BAZ2B: variants seen among roughly 807,000 people sequenced by gnomAD.
BAZ2B encodes bromodomain adjacent to zinc finger domain protein 2B.
A neutral mutation model predicts 246.0 loss-of-function variants in BAZ2B; 91 were observed. The observed-to-expected ratio is 0.37, with a 90% confidence interval of 0.31 to 0.44. BAZ2B has a LOEUF of 0.44. Among genes scored for constraint, BAZ2B ranks in the 20% least tolerant of loss-of-function variants. The pLI, the probability that BAZ2B is intolerant of heterozygous loss-of-function variation, is 1.00. For synonymous variants in BAZ2B, 855 were observed against 860.0 expected (o/e 0.99, Z 0.10); for missense variants, 2,332 against 2,533.7 (o/e 0.92, Z 1.71).
the BAZ2B span, among the ~76,000 whole-genome samples, chr2:159,643,348 TA>T: frequency 4.6e-5 from 7 of 152,144 alleles, no homozygotes; most frequent in East Asian, 1.9e-4. Flanking sequence ...TAACATGGCA[TA>T]GGGGGAAAGT....
At chr2:159,685,390 T>C in the BAZ2B span, among the ~76,000 whole-genome samples, 1 of 152,180 alleles carries the variant, frequency 6.6e-6, no homozygotes. Context: ...TCTTACAACA[T>C]TCAGCTCTTA....
intron 2 of BAZ2B, among the ~76,000 whole-genome samples, chr2:159,543,579 A>G (rs2151396549): frequency 7.4e-6 from 1 of 135,640 alleles, no homozygotes; most frequent in Admixed American, 8.5e-5. Context: ...CTCTTTTGCC[A>G]GGCTGGAGTG....
chr2:159,487,730 G>C (rs1219773186), intron 2 of BAZ2B, among the ~76,000 whole-genome samples: 1 of 150,440 alleles, frequency 6.6e-6, no homozygotes, highest in Non-Finnish European at 1.5e-5. Flanking sequence ...ACAACCAGAA[G>C]AAAGAACTTC....
upstream of BAZ2B, among the ~76,000 whole-genome samples, chr2:159,617,731 T>G (rs1167715634): frequency 6.6e-6 from 1 of 152,002 alleles, no homozygotes; most frequent in Non-Finnish European, 1.5e-5. Flanking sequence ...GGATCTTCAT[T>G]AGTATTAACA....
chr2:159,497,409 G>A (rs1021487113), intron 2 of BAZ2B, among the ~76,000 whole-genome samples: 29 of 152,176 alleles, frequency 1.9e-4, no homozygotes, highest in African/African-American at 7.0e-4. Context: ...TTTACAGACT[G>A]CCTAATTCAG....
At chr2:159,551,037 T>G (rs999506127) in intron 2 of BAZ2B, among the ~76,000 whole-genome samples, 4 of 152,146 alleles carry the variant, frequency 2.6e-5, no homozygotes, top group Non-Finnish European at 5.9e-5. Context: ...AAAGTCTCAC[T>G]ATATTGCCCA....
intron 1 of BAZ2B, among the ~76,000 whole-genome samples, chr2:159,579,788 C>T (rs188238661): frequency 1.3e-5 from 2 of 152,162 alleles, no homozygotes; most frequent in Admixed American, 6.5e-5. Context: ...AAATGTAATA[C>T]ACCATATAAA....
At chr2:159,597,590 G>T (rs755312686) in intron 1 of BAZ2B, among the ~76,000 whole-genome samples, 3 of 152,058 alleles carry the variant, frequency 2.0e-5, no homozygotes. Flanking sequence ...GCAGTGACGC[G>T]ATGTCAGCTC....
At chr2:159,342,829 AATG>A (rs2066976110) in intron 31 of BAZ2B, among the ~76,000 whole-genome samples, 1 of 152,220 alleles carries the variant, frequency 6.6e-6, no homozygotes, top group Non-Finnish European at 1.5e-5. Context: ...ATATTGTTAA[AATG>A]ATAATACTAC....
chr2:159,614,626 A>T (rs529282420), intron 1 of BAZ2B, among the ~76,000 whole-genome samples: 1 of 148,866 alleles, frequency 6.7e-6, no homozygotes, highest in East Asian at 2.0e-4. Context: ...CCTTTAAATT[A>T]AAAAAAAAAG....
intron 13 of BAZ2B, among the ~76,000 whole-genome samples, chr2:159,415,929 T>A (rs2067632705): frequency 6.6e-6 from 1 of 152,212 alleles, no homozygotes; most frequent in Non-Finnish European, 1.5e-5. Flanking sequence ...ATGGTGGGTT[T>A]TATCGTCTTT....
chr2:159,579,987 C>T (rs190794268), intron 1 of BAZ2B, among the ~76,000 whole-genome samples: 2 of 152,316 alleles, frequency 1.3e-5, no homozygotes, highest in African/African-American at 4.8e-5. Flanking sequence ...AAACTGGAAG[C>T]ATTCCCTTTG....
the BAZ2B span, among the ~76,000 whole-genome samples, chr2:159,668,848 G>C: frequency 6.6e-6 from 1 of 152,196 alleles, no homozygotes; most frequent in Middle Eastern, 3.4e-3. Context: ...CTTGAGATCA[G>C]GAATTTGAGA....
chr2:159,510,199 T>C (rs1162817223), intron 2 of BAZ2B, among the ~76,000 whole-genome samples: 2 of 152,166 alleles, frequency 1.3e-5, no homozygotes, highest in African/African-American at 2.4e-5. Flanking sequence ...TAAATTTTTT[T>C]TGAGACAGGG....
intron 1 of BAZ2B, chr2:159,616,000 C>T (rs1337276842): frequency 4.6e-5 from 7 of 152,358 alleles, no homozygotes; most frequent in African/African-American, 1.7e-4. Context: ...CCCCCAAACT[C>T]CACTCGGGAC....
chr2:159,565,114 G>A (rs13024008), intron 1 of BAZ2B, among the ~76,000 whole-genome samples: 9,932 of 152,114 alleles, frequency 0.065, 419 homozygotes, highest in Middle Eastern at 0.18. Context: ...CAGATGATCC[G>A]CCTGCCTTGG....
chr2:159,662,438 C>G, the BAZ2B span, among the ~76,000 whole-genome samples: 2 of 152,208 alleles, frequency 1.3e-5, no homozygotes, highest in Non-Finnish European at 2.9e-5. Context: ...AGTGGCTGAA[C>G]CACTTTACAT....
At chr2:159,646,117 T>C in the BAZ2B span, among the ~76,000 whole-genome samples, 7 of 152,276 alleles carry the variant, frequency 4.6e-5, no homozygotes, top group South Asian at 6.2e-4. Context: ...GCTTATTTCA[T>C]CCCTACAGTT....
At chr2:159,694,395 T>C in the BAZ2B span, 1 of 152,164 alleles carries the variant, frequency 6.6e-6, no homozygotes, top group Non-Finnish European at 1.5e-5. Flanking sequence ...GCTTTTAGTA[T>C]ATTCACAAGT....
Sources: gnomAD v4.1 joint callset for allele counts (sites outside exome capture counted in the v4.1 genomes callset) on GRCh38, gnomAD v4.1.1 for gene constraint, MANE v1.5 for transcripts, NCBI Gene and HGNC (gene_info 2026-07-23, HGNC 2026-07-21) for gene names.